The following TNFRSF11B variants were observed in gnomAD, a reference collection of about 807,000 sequenced individuals.
TNFRSF11B encodes tumor necrosis factor receptor superfamily member 11B.
Under a neutral mutation model 43.4 loss-of-function variants are expected in TNFRSF11B, and 16 were observed. That is an observed-to-expected ratio of 0.37 (90% CI 0.25 to 0.56). TNFRSF11B has a LOEUF of 0.56. TNFRSF11B is among the 20% of genes least tolerant of loss of function. The pLI is 0.80. For synonymous variants in TNFRSF11B, 185 were observed against 181.8 expected (o/e 1.02, Z -0.14); for missense variants, 444 against 490.1 (o/e 0.91, Z 0.89).
At chr8:118,932,361 G>C (rs1457028540) in intron 2 of TNFRSF11B, among the ~76,000 whole-genome samples, 2 of 152,192 alleles carry the variant, frequency 1.3e-5, no homozygotes, top group African/African-American at 4.8e-5. Context: ...GCTCATTGAA[G>C]AGATTCTGCT....
At chr8:118,933,406 A>G in intron 1 of TNFRSF11B, 106 bp from the exon 2 acceptor site, 1 of 1,543,408 alleles carries the variant, frequency 6.5e-7, no homozygotes, top group South Asian at 1.1e-5. Context: ...CCTTAAGCCT[A>G]ATGAGATTTG....
At chr8:118,932,618 G>GGT (rs1812344836) in intron 2 of TNFRSF11B, among the ~76,000 whole-genome samples, 1 of 150,880 alleles carries the variant, frequency 6.6e-6, no homozygotes, top group Non-Finnish European at 1.5e-5. Context: ...GAAATATAGA[G>GGT]GTATAGATCA....
intron 1 of TNFRSF11B, among the ~76,000 whole-genome samples, chr8:118,937,707 G>A (rs1812423056): frequency 6.6e-6 from 1 of 152,156 alleles, no homozygotes; most frequent in Non-Finnish European, 1.5e-5. Flanking sequence ...ACAACCTACT[G>A]CAGAATTTGG....
intron 1 of TNFRSF11B, among the ~76,000 whole-genome samples, chr8:118,940,774 G>C (rs2129912056): frequency 1.3e-5 from 2 of 152,132 alleles, no homozygotes; most frequent in Middle Eastern, 3.4e-3. Context: ...AAGCACCTTG[G>C]ACATGTTGAT....
intron 2 of TNFRSF11B, chr8:118,930,597 A>T (rs1033652195): frequency 7.1e-6 from 2 of 282,412 alleles, no homozygotes; most frequent in Non-Finnish European, 1.5e-5. Flanking sequence ...TTTTTAGTAG[A>T]GGCAGGGTTT....
At chr8:118,950,248 G>A (rs1209332679) in intron 1 of TNFRSF11B, among the ~76,000 whole-genome samples, 2 of 152,078 alleles carry the variant, frequency 1.3e-5, no homozygotes, top group Non-Finnish European at 2.9e-5. Context: ...CCATATTAAC[G>A]GCAGCATTAT....
chr8:118,948,745 A>C (rs1381256289), intron 1 of TNFRSF11B, among the ~76,000 whole-genome samples: 1 of 151,910 alleles, frequency 6.6e-6, no homozygotes, highest in Non-Finnish European at 1.5e-5. Flanking sequence ...GAAACTTCAG[A>C]GTATTCATTC....
intron 1 of TNFRSF11B, among the ~76,000 whole-genome samples, chr8:118,948,451 A>G (rs1812596902): frequency 6.6e-6 from 1 of 152,180 alleles, no homozygotes; most frequent in South Asian, 2.1e-4. Context: ...CCAGCAGGCA[A>G]GTTAGTGGCT....
intron 1 of TNFRSF11B, among the ~76,000 whole-genome samples, chr8:118,951,539 TCC>T (rs1491328613): frequency 1.7e-4 from 25 of 144,512 alleles, no homozygotes; most frequent in African/African-American, 6.1e-4. Context: ...TCTCTCTCTC[TCC>T]CTCTCTCTCG....
Position 118,934,461 on chromosome 8 carries a change from A to G in TNFRSF11B, c.31-1161T>C, listed in dbSNP as rs530052655. Among the ~76,000 whole-genome samples the G allele has an allele frequency of 2.0e-5, 3 of 152,342 alleles. No homozygotes were observed. In the East Asian group the frequency reaches 5.8e-4, roughly 29 times the overall value. On this transcript the variant is annotated intron_variant, in intron 1 of 4. Coordinates refer to ENST00000297350, the MANE Select transcript of TNFRSF11B (RefSeq NM_002546.4). ...TGTACTGGGATAAATTTCAGGGAGC[A>G]GGCAGGGATCAGAAGTTTCCATACA... is the stretch of plus-strand genomic sequence containing the variant.
chr8:118,943,789 A>G (rs958460310), intron 1 of TNFRSF11B, among the ~76,000 whole-genome samples: 3 of 152,076 alleles, frequency 2.0e-5, no homozygotes, highest in Admixed American at 6.5e-5. Flanking sequence ...CTGAACTTCT[A>G]CAAACGAAGG....
chr8:118,924,452 T>G lies in TNFRSF11B; in HGVS notation c.1128A>C (p.Thr376=). 6.2e-7 allele frequency: 1 copy of G among 1,614,132 alleles called. No homozygotes were observed. The highest frequency in any genetic ancestry group is 8.5e-7 in the Non-Finnish European group (1 of 1,179,986). The change falls in exon 5 of 5, where the codon ACA becomes ACC. Residue 376 remains threonine, a synonymous_variant. Coordinates refer to ENST00000297350, the MANE Select transcript of TNFRSF11B (RefSeq NM_002546.4). ...KKTIRFLHSF[T]MYKLYQKLFL... is the part of the protein sequence containing the mutation. ...ATAACTTCTGATACAATTTGTACAT[T>G]GTGAAGCTGTGAAGGAACCTGATGG...
rs903223056 is a variant in TNFRSF11B, at chr8:118,950,490, G to A, written c.30+1302C>T. Among the ~76,000 whole-genome samples the A allele has an allele frequency of 1.2e-4, 18 of 152,312 alleles. 1 individual carries two copies. The highest frequency in any genetic ancestry group is 6.2e-4 in the South Asian group (3 of 4,824). ...TGTTGTTCAAATCAGAATACTGATTGTTCTGGCCATAGACACAGTAGTGAT... is the reference window on the plus strand; with the variant it reads ...TGTTGTTCAAATCAGAATACTGATTATTCTGGCCATAGACACAGTAGTGAT... On this transcript the variant is annotated intron_variant, in intron 1 of 4. Transcript: ENST00000297350.
At chr8:118,947,259 G>A (rs374808324) in intron 1 of TNFRSF11B, among the ~76,000 whole-genome samples, 1 of 33,028 alleles carries the variant, frequency 3.0e-5, no homozygotes, top group African/African-American at 2.8e-4. Flanking sequence ...AATTGCCAGT[G>A]GCAGTAAGCT....
chr8:118,924,380 G>A lies in TNFRSF11B; in HGVS notation c.1200C>T (p.Cys400=). The A allele has an allele frequency of 1.2e-6, 2 of 1,614,078 alleles. No individual in the cohort carries two copies. Residue 400 remains cysteine (C), a synonymous_variant, in exon 5 of 5, where the codon TGC becomes TGT. Transcript: ENST00000297350. ...GCTCAATGGCCATTTCCAGTTATAA[G>A]CAGCTTATTTTTACTGATTGGACCT... ...GNQVQSVKIS[C]L
At chr8:118,940,825 T>G (rs1812475308) in intron 1 of TNFRSF11B, among the ~76,000 whole-genome samples, 1 of 152,206 alleles carries the variant, frequency 6.6e-6, no homozygotes. Flanking sequence ...ATCATTTTCT[T>G]GGTGTAGAAC....
At chr8:118,948,220 G>A (rs1275555059) in intron 1 of TNFRSF11B, among the ~76,000 whole-genome samples, 1 of 151,952 alleles carries the variant, frequency 6.6e-6, no homozygotes, top group African/African-American at 2.4e-5. Flanking sequence ...ATCAGTCAAG[G>A]CTTTAATGCA....
At position 118,943,101 on chromosome 8, in the gene TNFRSF11B, G is replaced by A. The variant is rs564805776; in HGVS notation, c.30+8691C>T. Among the ~76,000 whole-genome samples the A allele has an allele frequency of 1.4e-4, 22 of 152,134 alleles. No individual in the cohort carries two copies. In the East Asian group the frequency reaches 4.2e-3, roughly 29 times the overall value. On this transcript the variant is annotated intron_variant, in intron 1 of 4. Transcript: ENST00000297350. ...TTATTCCTATGAGATTGAGTAATCA[G>A]TTGTAATTTATACTAAGCAGTAGCT... is the stretch of plus-strand genomic sequence containing the variant.
At chr8:118,950,203 C>G (rs939296344) in intron 1 of TNFRSF11B, among the ~76,000 whole-genome samples, 1 of 151,932 alleles carries the variant, frequency 6.6e-6, no homozygotes, top group Non-Finnish European at 1.5e-5. Flanking sequence ...AAATCTTTGA[C>G]AAAATAAAAA....
Sources: gnomAD v4.1 joint callset for allele counts (sites outside exome capture counted in the v4.1 genomes callset) on GRCh38, gnomAD v4.1.1 for gene constraint, MANE v1.5 for transcripts, NCBI Gene and HGNC (gene_info 2026-07-23, HGNC 2026-07-21) for gene names.